KCNK2: variants seen among roughly 807,000 people sequenced by gnomAD.
KCNK2 encodes potassium two pore domain channel subfamily K member 2.
In KCNK2, 21 loss-of-function variants were observed where a neutral mutation model predicts 40.5. The ratio of observed to expected loss-of-function variants is 0.52; its 90% CI spans 0.37 to 0.75. The LOEUF is 0.75. KCNK2 is among the 30% of genes least tolerant of loss of function. The probability of loss-of-function intolerance (pLI) is 0.00; values close to 1 mark genes in which losing one functional copy is unlikely to be tolerated. For missense variants in KCNK2, 399 were observed against 531.6 expected, an observed-to-expected ratio of 0.75 and a Z score of 2.45; for synonymous variants, 191 against 202.2, an observed-to-expected ratio of 0.94 and a Z score of 0.47.
At chr1:215,021,670 C>G (rs2802648) in intron 1 of KCNK2, among the ~76,000 whole-genome samples, 66,185 of 150,728 alleles carry the variant, frequency 0.44, 16,112 homozygotes, top group Non-Finnish European at 0.54. Context: ...CTCAGCCTCC[C>G]GATTAACTGG....
intron 6 of KCNK2, among the ~76,000 whole-genome samples, chr1:215,222,568 A>G (rs1207178953): frequency 1.3e-5 from 2 of 152,128 alleles, no homozygotes; most frequent in Non-Finnish European, 2.9e-5. Context: ...TCTTTACACA[A>G]TTACATTAAT....
At chr1:215,226,743 TG>T (rs1004235926) in intron 6 of KCNK2, among the ~76,000 whole-genome samples, 3 of 152,016 alleles carry the variant, frequency 2.0e-5, no homozygotes, top group Non-Finnish European at 4.4e-5. Flanking sequence ...GTTAGAGGGC[TG>T]GTAAGCAGAA....
intron 1 of KCNK2, among the ~76,000 whole-genome samples, chr1:215,031,654 A>G (rs1657194750): frequency 6.6e-6 from 1 of 152,086 alleles, no homozygotes; most frequent in Non-Finnish European, 1.5e-5. Context: ...TTTCAGTCCA[A>G]AGATTGAAAA....
intron 6 of KCNK2, among the ~76,000 whole-genome samples, chr1:215,233,441 T>C (rs2102716059): frequency 7.4e-6 from 1 of 134,812 alleles, no homozygotes; most frequent in South Asian, 2.3e-4. Context: ...GTTTCATTTC[T>C]GTTTTTGAGT....
intron 2 of KCNK2, among the ~76,000 whole-genome samples, chr1:215,088,200 C>T (rs148607269): frequency 6.6e-5 from 10 of 152,108 alleles, no homozygotes; most frequent in South Asian, 2.1e-4. Flanking sequence ...CCACTTCCCT[C>T]GGTTTCTGAA....
intron 2 of KCNK2, among the ~76,000 whole-genome samples, chr1:215,111,840 G>C (rs1660697881): frequency 6.6e-6 from 1 of 151,094 alleles, no homozygotes; most frequent in African/African-American, 2.5e-5. Context: ...GTGAAATAAA[G>C]AGTCACCTCT....
At chr1:215,037,606 T>C (rs2102490285) in intron 1 of KCNK2, among the ~76,000 whole-genome samples, 1 of 152,140 alleles carries the variant, frequency 6.6e-6, no homozygotes, top group East Asian at 1.9e-4. Context: ...GTGTATATTA[T>C]TTCTTACTAA....
intron 2 of KCNK2, among the ~76,000 whole-genome samples, chr1:215,120,784 T>C (rs1355973115): frequency 6.6e-6 from 1 of 152,230 alleles, no homozygotes; most frequent in African/African-American, 2.4e-5. Flanking sequence ...ATAACTTTAT[T>C]TGATTTATGC....
upstream of KCNK2, chr1:215,082,102 C>T (rs1659180339): frequency 6.6e-6 from 1 of 152,250 alleles, no homozygotes; most frequent in East Asian, 1.9e-4. Context: ...GGTTTTCTTC[C>T]ATTCCCTTTG....
chr1:215,005,706 C>G, upstream of KCNK2: 1 of 511,216 alleles, frequency 2.0e-6, no homozygotes, highest in Non-Finnish European at 3.5e-6. Context: ...TTGAGTAGCA[C>G]ATTTCACTTG....
At chr1:215,091,574 T>G (rs1659695864) in intron 2 of KCNK2, among the ~76,000 whole-genome samples, 1 of 152,218 alleles carries the variant, frequency 6.6e-6, no homozygotes. Flanking sequence ...TTGTCCTAAG[T>G]GCTGAAAGAC....
chr1:215,190,857 T>C (rs1664636990), intron 5 of KCNK2, among the ~76,000 whole-genome samples: 1 of 152,172 alleles, frequency 6.6e-6, no homozygotes, highest in South Asian at 2.1e-4. Flanking sequence ...ATGGAGGTAA[T>C]CAGTAAGTCT....
Position 215,172,061 on chromosome 1 carries a change from G to A in KCNK2, c.701G>A (p.Cys234Tyr), listed in dbSNP as rs936834903. The A allele has an allele frequency of 3.7e-6, 6 of 1,613,302 alleles. No homozygotes were observed. The highest frequency in any genetic ancestry group is 4.2e-6 in the Non-Finnish European group (5 of 1,179,676). The part of the protein sequence containing the change: ...ISTIIFILFG[C>Y]VLFVALPAII... ...ACAATCATATTTATACTATTTGGCT[G>A]TGTACTCTTTGTGGCTCTGCCTGCG... The change falls in exon 5 of 7, where the codon TGT (cysteine) becomes TAT (tyrosine). Residue 234 changes from cysteine (C) to tyrosine (Y), a missense_variant. Physicochemically the swap from Cys to Tyr is radical, Grantham distance 194. Coordinates refer to ENST00000444842, the MANE Select transcript of KCNK2 (RefSeq NM_001017425.3).
At chr1:215,127,797 T>A (rs545104102) in intron 3 of KCNK2, among the ~76,000 whole-genome samples, 1 of 152,204 alleles carries the variant, frequency 6.6e-6, no homozygotes, top group Non-Finnish European at 1.5e-5. Flanking sequence ...TTTTTGAAAC[T>A]AAAAACAAAT....
Position 215,083,203 on chromosome 1 carries a change from C to CCCCCCCT in KCNK2, c.-183_-182insCCCCCCT. 8.7e-6 allele frequency: 7 copies of CCCCCCCT among 804,902 alleles called. No homozygotes were observed. The highest frequency in any genetic ancestry group is 1.1e-5 in the Non-Finnish European group (6 of 524,292). 49.9% of individuals were successfully genotyped at this position (804,902 alleles called of 1,614,324 possible). A position where few individuals can be genotyped will look rare whatever the true frequency, so the allele number is the denominator to read the frequency against. On this transcript the variant is annotated 5_prime_UTR_variant, in exon 1 of 7. Transcript: ENST00000444842. ...TCGTTTCTTCTCACGCTCCCCCCCCCGCCCCCTCCCGCGTCCAGCCCCGCT... is the reference window on the plus strand; with the variant it reads ...TCGTTTCTTCTCACGCTCCCCCCCCCCCCCCCTGCCCCCTCCCGCGTCCAGCCCCGCT...
At chr1:215,062,315 T>C (rs1156835346) in intron 1 of KCNK2, among the ~76,000 whole-genome samples, 2 of 152,106 alleles carry the variant, frequency 1.3e-5, no homozygotes, top group African/African-American at 4.8e-5. Context: ...GGTTTGAATT[T>C]TTTGTTTTAC....
intron 2 of KCNK2, among the ~76,000 whole-genome samples, chr1:215,088,944 C>T (rs781661723): frequency 6.6e-6 from 1 of 152,122 alleles, no homozygotes; most frequent in Non-Finnish European, 1.5e-5. Flanking sequence ...TTACACTGTT[C>T]ACCTTTATAA....
chr1:215,138,639 C>A (rs968677150), intron 3 of KCNK2, among the ~76,000 whole-genome samples: 2 of 152,054 alleles, frequency 1.3e-5, no homozygotes, highest in African/African-American at 4.8e-5. Flanking sequence ...GAGCCATAAT[C>A]ATGCCACTGC....
intron 3 of KCNK2, among the ~76,000 whole-genome samples, chr1:215,161,705 C>T (rs1442341557): frequency 1.3e-5 from 2 of 151,980 alleles, no homozygotes; most frequent in East Asian, 1.9e-4. Context: ...GTGTTGCTTG[C>T]TGAGAATGAT....
Sources: gnomAD v4.1 joint callset for allele counts (sites outside exome capture counted in the v4.1 genomes callset) on GRCh38, gnomAD v4.1.1 for gene constraint, MANE v1.5 for transcripts, NCBI Gene and HGNC (gene_info 2026-07-23, HGNC 2026-07-21) for gene names.